SVOPL: variants seen among roughly 807,000 people sequenced by gnomAD.
SVOPL encodes the protein putative transporter SVOPL.
A neutral mutation model predicts 61.0 loss-of-function variants in SVOPL; 60 were observed. The observed-to-expected ratio is 0.98, with a 90% confidence interval of 0.80 to 1.22. SVOPL has a LOEUF of 1.22. SVOPL is among the 50% of genes most tolerant of loss of function. SVOPL has a pLI of 0.00. For missense variants in SVOPL, 662 were observed against 643.9 expected (o/e 1.03, Z -0.30); for synonymous variants, 279 against 250.0 (o/e 1.12, Z -1.09).
rs1437442557 is a variant in SVOPL, at chr7:138,628,222, G to GT, written c.1004dup (p.Tyr335Ter). ...AGTCAGAGGGTGCAAACATGTGGCA[G>GT]TAGCAGGGGCTCTGGCTCTCCCCTG... ...GDSGESQSPC[Y>*]CHMFAPSDYR... is the part of the protein sequence containing the mutation. The change falls in exon 11 of 16, where the codon TAC becomes TAAC. Residue 335 changes from tyrosine to a stop codon, truncating the protein, a stop_gained and frameshift_variant. Transcript: ENST00000674285. LOFTEE classifies it high-confidence loss of function. 1.9e-6 allele frequency: 3 copies of GT among 1,614,200 alleles called. No homozygotes were observed. Among genetic ancestry groups the GT allele is most frequent in the Non-Finnish European group, 8.5e-7 (1 of 1,180,038 alleles).
intron 3 of SVOPL, among the ~76,000 whole-genome samples, chr7:138,672,601 C>G (rs989498155): frequency 8.7e-5 from 12 of 138,126 alleles, no homozygotes; most frequent in Non-Finnish European, 1.5e-4. Flanking sequence ...GAAAATAAAG[C>G]AATGAGTACA....
At chr7:138,647,848 A>C (rs371891764) in intron 8 of SVOPL, among the ~76,000 whole-genome samples, 16 of 7,196 alleles carry the variant, frequency 2.2e-3, no homozygotes, top group African/African-American at 3.5e-3. Context: ...ACTCCGTTTC[A>C]AAAAAAAAAA....
At chr7:138,682,984 A>AAAG (rs1802732403) in intron 1 of SVOPL, among the ~76,000 whole-genome samples, 1 of 145,764 alleles carries the variant, frequency 6.9e-6, no homozygotes, top group Admixed American at 6.9e-5. Context: ...AAAAAAAAAG[A>AAAG]AAAAAAAAAG....
intron 1 of SVOPL, among the ~76,000 whole-genome samples, chr7:138,681,525 A>G (rs1463581754): frequency 1.3e-5 from 2 of 152,010 alleles, no homozygotes; most frequent in Non-Finnish European, 2.9e-5. Context: ...ATGAAAGATT[A>G]CAAAATTAAA....
At chr7:138,601,565 A>G (rs1220994060) in intron 14 of SVOPL, among the ~76,000 whole-genome samples, 1 of 152,192 alleles carries the variant, frequency 6.6e-6, no homozygotes, top group Non-Finnish European at 1.5e-5. Context: ...AAAAAGAAAA[A>G]AAAAATCAGA....
chr7:138,640,496 C>T (rs1363071174), intron 9 of SVOPL, among the ~76,000 whole-genome samples: 7 of 152,104 alleles, frequency 4.6e-5, no homozygotes, highest in South Asian at 2.1e-4. Flanking sequence ...GTAATCCACC[C>T]ACCTCAGTCT....
At chr7:138,645,657 A>G (rs1293291649) in intron 8 of SVOPL, 1 of 154,066 alleles carries the variant, frequency 6.5e-6, no homozygotes, top group Non-Finnish European at 1.4e-5. Context: ...AGATCTTTTT[A>G]TTTTTTGCAG....
At chr7:138,659,838 C>A in intron 6 of SVOPL, 26 bp downstream of exon 6, 1 of 1,550,522 alleles carries the variant, frequency 6.4e-7, no homozygotes, top group South Asian at 1.2e-5. Flanking sequence ...GTTTCTGTCT[C>A]AGGGTCCCCT....
In SVOPL at chr7:138,621,181, T is replaced by C. The variant is rs770576167; in HGVS notation, c.1264-46A>G. 5.8e-6 allele frequency: 9 copies of C among 1,552,048 alleles called. No individual in the cohort carries two copies. In the East Asian group the frequency reaches 7.0e-5, roughly 12 times the overall value. Reference sequence around the variant, plus strand: ...AGTACCAGTCAGATAATGTCCGTCCTTCCCCGAGCCCTCCTCTTCCCCTTC... The same window carrying C: ...AGTACCAGTCAGATAATGTCCGTCCCTCCCCGAGCCCTCCTCTTCCCCTTC... On this transcript the variant is annotated intron_variant, in intron 13 of 15. Transcript: ENST00000674285.
chr7:138,700,635 G>A (rs1338353097), intron 1 of SVOPL, among the ~76,000 whole-genome samples: 1 of 151,898 alleles, frequency 6.6e-6, no homozygotes, highest in African/African-American at 2.4e-5. Flanking sequence ...CACCGCACCC[G>A]GCTGGTTTCC....
intron 14 of SVOPL, among the ~76,000 whole-genome samples, chr7:138,611,164 G>A (rs1205003588): frequency 1.1e-4 from 16 of 152,204 alleles, no homozygotes; most frequent in Admixed American, 1.0e-3. Context: ...GATCACTTGA[G>A]GTTAGGAGTT....
At chr7:138,619,671 A>G (rs1318548795) in intron 14 of SVOPL, among the ~76,000 whole-genome samples, 1 of 151,774 alleles carries the variant, frequency 6.6e-6, no homozygotes, top group South Asian at 2.1e-4. Context: ...AAATTGTGGG[A>G]AATACCTGAT....
intron 14 of SVOPL, among the ~76,000 whole-genome samples, chr7:138,604,691 A>AG (rs1368395501): frequency 6.6e-6 from 1 of 150,898 alleles, no homozygotes; most frequent in Non-Finnish European, 1.5e-5. Context: ...AAAAAAAAAA[A>AG]AAAAAAAAAG....
chr7:138,601,000 C>T (rs1224375621), intron 14 of SVOPL, among the ~76,000 whole-genome samples: 1 of 151,978 alleles, frequency 6.6e-6, no homozygotes, highest in Non-Finnish European at 1.5e-5. Flanking sequence ...ACCTGTAATC[C>T]CAGCACTTTG....
chr7:138,673,824 C>T (rs1479450715), intron 3 of SVOPL, among the ~76,000 whole-genome samples: 5 of 152,098 alleles, frequency 3.3e-5, no homozygotes, highest in Admixed American at 3.3e-4. Context: ...GGGAGAGGGA[C>T]CAGGCAGGGA....
chr7:138,655,589 C>T (rs1801687592), intron 7 of SVOPL, among the ~76,000 whole-genome samples: 1 of 151,194 alleles, frequency 6.6e-6, no homozygotes, highest in South Asian at 2.1e-4. Context: ...ACACACACCC[C>T]TACACACACA....
At chr7:138,601,238 C>T (rs1461490288) in intron 14 of SVOPL, among the ~76,000 whole-genome samples, 4 of 127,434 alleles carry the variant, frequency 3.1e-5, no homozygotes, top group African/African-American at 9.5e-5. Flanking sequence ...GGCGACAGAG[C>T]GAGATTCCAT....
chr7:138,687,694 G>GAA (rs35163299), intron 1 of SVOPL, among the ~76,000 whole-genome samples: 14,241 of 137,904 alleles, frequency 0.1, 1,132 homozygotes, highest in African/African-American at 0.22. Context: ...TCAAGAAGGT[G>GAA]AAAAAAAAAA....
intron 5 of SVOPL, 177 bp downstream of exon 5, chr7:138,662,897 C>T: frequency 6.9e-7 from 1 of 1,441,746 alleles, no homozygotes; most frequent in Non-Finnish European, 9.1e-7. Context: ...GGCACAGGTA[C>T]CCTGAGAAAA....
Sources: allele counts gnomAD v4.1 joint callset (sites outside exome capture counted in the v4.1 genomes callset), GRCh38; gene constraint gnomAD v4.1.1; transcripts MANE v1.5; gene names NCBI Gene and HGNC (gene_info 2026-07-23, HGNC 2026-07-21).